Variants in GOLGA3 observed in about 807,000 individuals in gnomAD.
GOLGA3 encodes golgin subfamily A member 3.
Under a neutral mutation model 169.4 loss-of-function variants are expected in GOLGA3, and 75 were observed. The observed-to-expected ratio is 0.44, with a 90% confidence interval of 0.37 to 0.54. The LOEUF is 0.54. Among genes scored for constraint, GOLGA3 ranks in the 20% least tolerant of loss-of-function variants. GOLGA3 has a pLI of 0.00. For synonymous variants in GOLGA3, 824 were observed against 822.4 expected, an observed-to-expected ratio of 1.00 and a Z score of -0.03; for missense variants, 1,899 against 1,930.0, an observed-to-expected ratio of 0.98 and a Z score of 0.30.
intron 16 of GOLGA3, among the ~76,000 whole-genome samples, chr12:132,782,881 AAAAAAAAAAAAG>A (rs2045683621): frequency 6.6e-6 from 1 of 151,660 alleles, no homozygotes. Context: ...GTCTCAAAAA[AAAAAAAAAAAAG>A]AAAAAGAAAA....
chr12:132,780,648 G>A (rs2045548482), intron 18 of GOLGA3, 150 bp downstream of exon 18: 1 of 667,346 alleles, frequency 1.5e-6, no homozygotes, highest in South Asian at 1.7e-5. Flanking sequence ...ACCAGAGCAG[G>A]TGCTCTGCGG....
At chr12:132,791,512 C>T (rs1330870195) in intron 11 of GOLGA3, among the ~76,000 whole-genome samples, 2 of 151,600 alleles carry the variant, frequency 1.3e-5, no homozygotes, top group Non-Finnish European at 2.9e-5. Context: ...GGGGCCACAT[C>T]TGCAGCGATG....
chr12:132,786,248 G>C, intron 15 of GOLGA3, 91 bp downstream of exon 15: 1 of 901,116 alleles, frequency 1.1e-6, no homozygotes, highest in Non-Finnish European at 1.7e-6. Context: ...GCTCGGCCCC[G>C]CTAGGCTTTA....
chr12:132,826,201 C>T lies in GOLGA3; in HGVS notation c.-184+2602G>A, dbSNP rs936613818. On this transcript the variant is annotated intron_variant, in intron 1 of 23. Coordinates refer to ENST00000450791, the MANE Select transcript of GOLGA3 (RefSeq NM_001389683.1). Reference sequence around the variant, plus strand: ...AGAAGTTCTGAGGCTGGACATCAGCCCGCTCCCCACAATGAAATAAAGTTA... The same window carrying T: ...AGAAGTTCTGAGGCTGGACATCAGCTCGCTCCCCACAATGAAATAAAGTTA... 3.3e-6 allele frequency: 5 copies of T among 1,535,046 alleles called. No homozygotes were observed. The Admixed American group carries it at 6.2e-5, about 19-fold the overall frequency.
intron 18 of GOLGA3, among the ~76,000 whole-genome samples, chr12:132,778,864 C>T (rs577254270): frequency 9.3e-5 from 14 of 150,768 alleles, no homozygotes; most frequent in African/African-American, 3.4e-4. Context: ...CACTGCACTC[C>T]AGCCTGGTGA....
At position 132,786,908 on chromosome 12, in the gene GOLGA3, G is replaced by A; in HGVS notation, c.2812-121C>T. 3 of 696,552 alleles carry A rather than the reference G, an allele frequency of 4.3e-6. No individual in the cohort carries two copies. The South Asian group carries it at 5.1e-5, about 12-fold the overall frequency. The allele number at this position is 696,552 out of a possible 1,614,324, so 43.1% of individuals were successfully genotyped here. A position where few individuals can be genotyped will look rare whatever the true frequency, so the allele number is the denominator to read the frequency against. ...CTCAGGCTCGCCCTGGAGGACTTGGGCCTTGAGAAAAATCCTGAGAGAGAC... is the reference window on the plus strand; with the variant it reads ...CTCAGGCTCGCCCTGGAGGACTTGGACCTTGAGAAAAATCCTGAGAGAGAC... On this transcript the variant is annotated intron_variant, in intron 13 of 23. Coordinates refer to ENST00000450791, the MANE Select transcript of GOLGA3 (RefSeq NM_001389683.1).
intron 13 of GOLGA3, 71 bp downstream of exon 13, chr12:132,788,956 G>GGCCCCCCCCCACACACAC: frequency 2.0e-6 from 1 of 493,270 alleles, no homozygotes; most frequent in Non-Finnish European, 3.0e-6. Context: ...CCCAGACACA[G>GGCCCCCCCCCACACACAC]GCCCCACCCT....
intron 13 of GOLGA3, among the ~76,000 whole-genome samples, chr12:132,787,036 C>T (rs1209237355): frequency 2.0e-5 from 3 of 151,998 alleles, no homozygotes; most frequent in African/African-American, 4.8e-5. Flanking sequence ...TCACTGCAAC[C>T]TCCGCCTCCC....
At chr12:132,792,690 CG>C (rs1485712237) in intron 11 of GOLGA3, among the ~76,000 whole-genome samples, 1 of 147,020 alleles carries the variant, frequency 6.8e-6, no homozygotes, top group Non-Finnish European at 1.5e-5. Context: ...ACCCACCACA[CG>C]GGATCTGCAC....
At chr12:132,782,700 A>T (rs1196335161) in intron 16 of GOLGA3, among the ~76,000 whole-genome samples, 1 of 152,072 alleles carries the variant, frequency 6.6e-6, no homozygotes, top group Non-Finnish European at 1.5e-5. Context: ...AACATGGTGA[A>T]ACCCCGTCCC....
At position 132,777,103 on chromosome 12, in the gene GOLGA3, A is replaced by T; in HGVS notation, c.3723-13T>A. 6.4e-7 allele frequency: 1 copy of T among 1,568,602 alleles called. No homozygotes were observed. The highest frequency in any genetic ancestry group is 8.6e-7 in the Non-Finnish European group (1 of 1,160,442). ...CCCCTCCCGAATCCTAGCGTAAAAA[A>T]ACAAGAAAGAAGGGAATCGCCACGC... On this transcript the variant is annotated splice_polypyrimidine_tract_variant and intron_variant, in intron 19 of 23. Coordinates refer to ENST00000450791, the MANE Select transcript of GOLGA3 (RefSeq NM_001389683.1). The surrounding 1 kb of genome is among the most constrained non-coding windows in gnomAD (Gnocchi z 4.7).
At chr12:132,816,890 A>G in intron 2 of GOLGA3, 78 bp from the exon 3 acceptor site, 1 of 1,242,490 alleles carries the variant, frequency 8.0e-7, no homozygotes, top group South Asian at 1.5e-5. Flanking sequence ...CAGCTGGAGT[A>G]GGAGAGAAGA....
chr12:132,792,363 G>A (rs1182659885), intron 11 of GOLGA3, among the ~76,000 whole-genome samples: 1 of 152,248 alleles, frequency 6.6e-6, no homozygotes, highest in African/African-American at 2.4e-5. Flanking sequence ...AGTCACAGCT[G>A]CTCAGCAATG....
At chr12:132,791,115 C>T (rs2046209429) in intron 12 of GOLGA3, 101 bp downstream of exon 12, 3 of 305,198 alleles carry the variant, frequency 9.8e-6, no homozygotes, top group Middle Eastern at 1.3e-3. Flanking sequence ...ATGTTACCTT[C>T]TTCTCAACTT....
rs889801475 is a variant in GOLGA3 at position 132,796,961 on chromosome 12, T to C, written c.1939-261A>G. On this transcript the variant is annotated intron_variant, in intron 9 of 23. Coordinates refer to ENST00000450791, the MANE Select transcript of GOLGA3 (RefSeq NM_001389683.1). ...CACTGGTGAGCAGAGCCTCCCCGAC[T>C]TTCTCGTGTGGCGACAGCTGCCTCC... is the stretch of plus-strand genomic sequence containing the variant. Among the ~76,000 whole-genome samples, 5 of 152,226 alleles carry C rather than the reference T, an allele frequency of 3.3e-5. No individual in the cohort carries two copies. The South Asian group carries it at 8.3e-4, about 25-fold the overall frequency.
At position 132,780,856 on chromosome 12, in the gene GOLGA3, T is replaced by G; in HGVS notation, c.3524A>C (p.Gln1175Pro). The G allele has an allele frequency of 1.2e-6, 2 of 1,612,558 alleles. No homozygotes were observed. Among genetic ancestry groups the G allele is most frequent in the South Asian group, 1.1e-5 (1 of 91,092 alleles). Residue 1175 changes from glutamine (Q) to proline (P), a missense_variant, in exon 18 of 24, where the codon CAG becomes CCG. Coordinates refer to ENST00000450791, the MANE Select transcript of GOLGA3 (RefSeq NM_001389683.1). ...EEDRQMKHLV[Q>P]ALQASLEKEK... is the part of the protein sequence containing the mutation. ...CTTCTCTAGTGAGGCCTGCAGGGCC[T>G]GGACAAGATGCTTCATCTGGCGATC...
At position 132,808,181 on chromosome 12, in the gene GOLGA3, A is replaced by C; in HGVS notation, c.888T>G (p.Arg296=). 1 of 1,613,122 alleles carries C rather than the reference A, an allele frequency of 6.2e-7. No individual in the cohort carries two copies. Among genetic ancestry groups the C allele is most frequent in the Non-Finnish European group, 8.5e-7 (1 of 1,179,404 alleles). Reference sequence around the variant, plus strand: ...CTCCAGCCAGGGAGGTGTTCTCCAGACGGTCGTCAGTGTCGGGGGACAGGC... The same window carrying C: ...CTCCAGCCAGGGAGGTGTTCTCCAGCCGGTCGTCAGTGTCGGGGGACAGGC... ...EISLSPDTDD[R]LENTSLAGDS... Residue 296 remains arginine, a synonymous_variant, in exon 5 of 24, where the codon CGT becomes CGG. Coordinates refer to ENST00000450791, the MANE Select transcript of GOLGA3 (RefSeq NM_001389683.1).
intron 1 of GOLGA3, among the ~76,000 whole-genome samples, chr12:132,822,609 G>A (rs368270815): frequency 6.6e-6 from 1 of 152,174 alleles, no homozygotes; most frequent in East Asian, 1.9e-4. Context: ...CAGGGCAACT[G>A]AGCTTTAAAT....
At chr12:132,792,069 G>C (rs1948557992) in intron 11 of GOLGA3, among the ~76,000 whole-genome samples, 1 of 152,120 alleles carries the variant, frequency 6.6e-6, no homozygotes, top group Non-Finnish European at 1.5e-5. Context: ...ATGTTACACT[G>C]AGGGCTCCAG....
Sources: gnomAD v4.1 joint callset for allele counts (sites outside exome capture counted in the v4.1 genomes callset) on GRCh38, gnomAD v4.1.1 for gene constraint, Gnocchi (gnomAD v3.1) non-coding constraint, MANE v1.5 for transcripts, NCBI Gene and HGNC (gene_info 2026-07-23, HGNC 2026-07-21) for gene names.